The following SPTBN2 variants were observed in gnomAD, a reference collection of about 807,000 sequenced individuals.
SPTBN2 encodes spectrin beta chain, non-erythrocytic 2.
A neutral mutation model predicts 284.2 loss-of-function variants in SPTBN2; 107 were observed. The ratio of observed to expected loss-of-function variants is 0.38; its 90% CI spans 0.32 to 0.44. The LOEUF is 0.44. SPTBN2 is among the 20% of genes least tolerant of loss of function. SPTBN2 has a pLI of 1.00. For missense variants in SPTBN2, 2,569 were observed against 3,287.1 expected (o/e 0.78, Z 5.34); for synonymous variants, 1,289 against 1,354.8 (o/e 0.95, Z 1.07).
chr11:66,696,971 T>A (rs1318803102), intron 20 of SPTBN2, among the ~76,000 whole-genome samples: 1 of 152,146 alleles, frequency 6.6e-6, no homozygotes, highest in Non-Finnish European at 1.5e-5. Context: ...GATTTCTGTG[T>A]CTGGGGTGGT....
chr11:66,702,937 C>CAAAAA (rs1170116245), intron 15 of SPTBN2, among the ~76,000 whole-genome samples: 2 of 42,630 alleles, frequency 4.7e-5, no homozygotes, highest in Admixed American at 3.6e-4. Context: ...GACTCCGTCT[C>CAAAAA]AAAAAAAAAA....
rs752207336 is a variant in SPTBN2, at chr11:66,693,851, G to A, written c.4514C>T (p.Thr1505Ile). Reference protein sequence around the residue: ...RDVEDEILWVTERLPMASSME... With the variant: ...RDVEDEILWVIERLPMASSME... ...GGAGCTGGCCATGGGCAGCCGCTCT[G>A]TCACCCACAACTGGAAGAGGAAGAG... The change falls in exon 23 of 38, where the codon ACA becomes ATA. Residue 1505 changes from threonine (T) to isoleucine (I), a missense_variant. Thr to Ile is a moderately conservative substitution (Grantham distance 89). This residue lies in a region of SPTBN2 where 1,130 missense variants were observed against 1,317.3 expected (regional missense o/e 0.86). Transcript: ENST00000533211. The surrounding 1 kb of genome is among the most constrained non-coding windows in gnomAD (Gnocchi z 5.7). The A allele has an allele frequency of 3.7e-6, 6 of 1,613,912 alleles. No homozygotes were observed. Among genetic ancestry groups the A allele is most frequent in the South Asian group, 2.2e-5 (2 of 91,018 alleles).
At chr11:66,719,449 C>T (rs1331585103) in intron 3 of SPTBN2, among the ~76,000 whole-genome samples, 2 of 152,252 alleles carry the variant, frequency 1.3e-5, no homozygotes, top group Non-Finnish European at 2.9e-5. Flanking sequence ...TTATTTGACA[C>T]CTACTGGCTG....
Position 66,705,467 on chromosome 11 carries a change from C to G in SPTBN2, c.1809G>C (p.Glu603Asp). 1.9e-6 allele frequency: 3 copies of G among 1,613,060 alleles called. No homozygotes were observed. The highest frequency in any genetic ancestry group is 2.5e-6 in the Non-Finnish European group (3 of 1,180,022). The change falls in exon 15 of 38, where the codon GAG (glutamate) becomes GAC (aspartate). Residue 603 changes from glutamate (E) to aspartate (D), a missense_variant and splice_region_variant. Physicochemically the swap from Glu to Asp is conservative, Grantham distance 45. This residue lies in a region of SPTBN2 where 1,012 missense variants were observed against 1,248.9 expected (regional missense o/e 0.81). Transcript: ENST00000533211. ...CCAGCTGCGGGTCGCAAGGTCTATA[C>G]TCTGAGAAAGTCACAGGAGAGGGTC... ...SALRFCNPGK[E>D]YRPCDPQLVS...
At chr11:66,720,736 G>A (rs767536584) in intron 3 of SPTBN2, among the ~76,000 whole-genome samples, 2 of 152,176 alleles carry the variant, frequency 1.3e-5, no homozygotes, top group African/African-American at 2.4e-5. Flanking sequence ...GGGCATGACA[G>A]GTAAGGGAGA....
intron 36 of SPTBN2, 45 bp from the exon 37 acceptor site, chr11:66,686,485 C>T: frequency 6.2e-7 from 1 of 1,610,082 alleles, no homozygotes; most frequent in Admixed American, 1.7e-5. Flanking sequence ...GAATCCGGAT[C>T]TGCCAGGTAG....
At chr11:66,709,505 C>T (rs1941748032) in intron 10 of SPTBN2, among the ~76,000 whole-genome samples, 1 of 152,176 alleles carries the variant, frequency 6.6e-6, no homozygotes, top group Admixed American at 6.5e-5. Flanking sequence ...ACCTATTTCC[C>T]CCACTTATTT....
intron 1 of SPTBN2, among the ~76,000 whole-genome samples, chr11:66,742,205 G>T (rs994592828): frequency 2.0e-5 from 3 of 152,104 alleles, no homozygotes; most frequent in African/African-American, 7.2e-5. Context: ...TACAAAATTG[G>T]GAGAACTGCT....
At position 66,698,798 on chromosome 11, in the gene SPTBN2, T is replaced by C; in HGVS notation, c.3868-13A>G. On this transcript the variant is annotated splice_polypyrimidine_tract_variant and intron_variant, in intron 19 of 37. Transcript: ENST00000533211. ...TCCAGAGCTTCAGCTGGACCAAACA[T>C]AAAACAGGGACATTTCCAAGGGAGG... 6.2e-7 allele frequency: 1 copy of C among 1,612,912 alleles called. No individual in the cohort carries two copies. The highest frequency in any genetic ancestry group is 8.5e-7 in the Non-Finnish European group (1 of 1,179,970).
chr11:66,711,818 C>T (rs1034834261), intron 8 of SPTBN2, among the ~76,000 whole-genome samples: 3 of 152,202 alleles, frequency 2.0e-5, no homozygotes, highest in African/African-American at 7.2e-5. Context: ...GCCATGCTAC[C>T]CAGAGGCTCT....
intron 1 of SPTBN2, among the ~76,000 whole-genome samples, chr11:66,743,480 C>G (rs973885455): frequency 6.6e-6 from 1 of 152,190 alleles, no homozygotes; most frequent in Non-Finnish European, 1.5e-5. Flanking sequence ...CACCCTGTCC[C>G]ACCCTTCTCC....
intron 1 of SPTBN2, among the ~76,000 whole-genome samples, chr11:66,736,626 A>T (rs952310738): frequency 6.6e-6 from 1 of 152,234 alleles, no homozygotes; most frequent in Non-Finnish European, 1.5e-5. Context: ...AAGAAAAGAA[A>T]AAGTGTCTGA....
chr11:66,707,658 G>C lies in SPTBN2; in HGVS notation c.1511C>G (p.Ala504Gly), dbSNP rs1454805342. ...ERYHDIKRIAARQHNVARLWD... is the reference protein window; with the variant it reads ...ERYHDIKRIAGRQHNVARLWD... ...GAGCCGTGCCACGTTGTGCTGCCGA[G>C]CGGCGATGCGCTTGATGTCGTGGTA... Residue 504 changes from alanine to glycine, a missense_variant, in exon 13 of 38, where the codon GCT becomes GGT. Physicochemically the swap from Ala to Gly is moderately conservative, Grantham distance 60 (BLOSUM62 0). This residue lies in a region of SPTBN2 where 1,012 missense variants were observed against 1,248.9 expected (regional missense o/e 0.81). Coordinates refer to ENST00000533211, the MANE Select transcript of SPTBN2 (RefSeq NM_006946.4). The surrounding 1 kb of genome is among the most constrained non-coding windows in gnomAD (Gnocchi z 4.9). 1 of 1,607,630 alleles carries C rather than the reference G, an allele frequency of 6.2e-7. No individual in the cohort carries two copies. The highest frequency in any genetic ancestry group is 1.3e-5 in the African/African-American group (1 of 74,926).
chr11:66,705,747 C>G lies in SPTBN2; in HGVS notation c.1744G>C (p.Val582Leu). The change falls in exon 14 of 38, where the codon GTG (valine) becomes CTG (leucine). Residue 582 changes from valine to leucine, a missense_variant. Coordinates refer to ENST00000533211, the MANE Select transcript of SPTBN2 (RefSeq NM_006946.4). Reference sequence around the variant, plus strand: ...ACGGCCCGCACCCTCTCGGCCTGCACGGCGATGTCTGCCTCCACCAGCTCG... The same window carrying G: ...ACGGCCCGCACCCTCTCGGCCTGCAGGGCGATGTCTGCCTCCACCAGCTCG... ...LHELVEADIAVQAERVRAVSA... is the reference protein window; with the variant it reads ...LHELVEADIALQAERVRAVSA... The G allele has an allele frequency of 6.2e-7, 1 of 1,612,588 alleles. No individual in the cohort carries two copies. Among genetic ancestry groups the G allele is most frequent in the Non-Finnish European group, 8.5e-7 (1 of 1,179,940 alleles).
At position 66,691,137 on chromosome 11, in the gene SPTBN2, A is replaced by C; in HGVS notation, c.5565+147T>G. The C allele has an allele frequency of 2.4e-6, 3 of 1,241,868 alleles. No homozygotes were observed. The highest frequency in any genetic ancestry group is 2.6e-5 in the Admixed American group (1 of 38,596). The allele number at this position is 1,241,868 out of a possible 1,614,324, so 76.9% of individuals were successfully genotyped here. ...TGGCCAAACAGAGATGTTTTCTTGG[A>C]GCAATTTCCTCATCTCGAAATGGCC... On this transcript the variant is annotated intron_variant, in intron 27 of 37. Transcript: ENST00000533211. This position sits in a 1 kb window ranked among gnomAD's most constrained non-coding sequence, Gnocchi z 8.0.
intron 2 of SPTBN2, 29 bp from the exon 3 acceptor site, chr11:66,721,291 T>G (rs1590982142): frequency 6.0e-5 from 96 of 1,607,794 alleles, no homozygotes; most frequent in Non-Finnish European, 7.7e-5. Context: ...CAGTGAGGGG[T>G]GTCCAGGGAC....
At chr11:66,694,079 G>A in intron 22 of SPTBN2, 60 bp downstream of exon 22, 1 of 1,581,236 alleles carries the variant, frequency 6.3e-7, no homozygotes, top group Middle Eastern at 2.2e-4. Context: ...GCATCCAGGA[G>A]GGAGGCTGGA....
upstream of SPTBN2, among the ~76,000 whole-genome samples, chr11:66,733,947 C>T (rs535500227): frequency 2.7e-5 from 4 of 147,532 alleles, no homozygotes; most frequent in Non-Finnish European, 4.5e-5. Flanking sequence ...CACTGCAGTC[C>T]GCAGTCTGGC....
In SPTBN2 at chr11:66,710,867, C is replaced by G; in HGVS notation, c.885+50G>C. ...GCCCTTGCACTAGGGCAGTAAGACC[C>G]CTCAGCCGGGCCTCCTCTGGCCTTT... is the stretch of plus-strand genomic sequence containing the variant. On this transcript the variant is annotated intron_variant, in intron 9 of 37. Transcript: ENST00000533211. This position sits in a 1 kb window ranked among gnomAD's most constrained non-coding sequence, Gnocchi z 4.9. 5 of 1,611,286 alleles carry G rather than the reference C, an allele frequency of 3.1e-6. No homozygotes were observed. The highest frequency in any genetic ancestry group is 4.2e-6 in the Non-Finnish European group (5 of 1,177,674).
Sources: allele counts gnomAD v4.1 joint callset (sites outside exome capture counted in the v4.1 genomes callset), GRCh38; gene constraint gnomAD v4.1.1; regional missense constraint gnomAD v4.1.1; non-coding constraint Gnocchi (gnomAD v3.1); transcripts MANE v1.5; gene names NCBI Gene and HGNC (gene_info 2026-07-23, HGNC 2026-07-21).